The following FOXO3 variants were observed in gnomAD, a reference collection of about 807,000 sequenced individuals.
FOXO3 encodes forkhead box O3.
In FOXO3, 4 loss-of-function variants were observed where a neutral mutation model predicts 41.9. The ratio of observed to expected loss-of-function variants is 0.10; its 90% CI spans 0.05 to 0.22. FOXO3 has a LOEUF of 0.22. Among genes scored for constraint, FOXO3 ranks in the 10% least tolerant of loss-of-function variants. The pLI, the probability that FOXO3 is intolerant of heterozygous loss-of-function variation, is 1.00. For synonymous variants in FOXO3, 318 were observed against 389.3 expected, an observed-to-expected ratio of 0.82 and a Z score of 2.16; for missense variants, 534 against 906.8, an observed-to-expected ratio of 0.59 and a Z score of 5.28.
chr6:108,590,417 A>C (rs1466002058), intron 1 of FOXO3, among the ~76,000 whole-genome samples: 2 of 152,180 alleles, frequency 1.3e-5, no homozygotes, highest in African/African-American at 4.8e-5. Flanking sequence ...TTCACATCCA[A>C]TCTCATGTAA....
At chr6:108,640,292 T>C (rs1440359517) in intron 1 of FOXO3, among the ~76,000 whole-genome samples, 1 of 152,202 alleles carries the variant, frequency 6.6e-6, no homozygotes, top group Admixed American at 6.5e-5. Flanking sequence ...GGGGAATTTT[T>C]CAGTTGTCGT....
At chr6:108,593,754 T>A (rs192458434) in intron 1 of FOXO3, among the ~76,000 whole-genome samples, 12 of 138,188 alleles carry the variant, frequency 8.7e-5, no homozygotes, top group Admixed American at 8.4e-4. Context: ...TCTCGCCCTG[T>A]CACCCAGTCT....
intron 1 of FOXO3, among the ~76,000 whole-genome samples, chr6:108,638,928 C>T (rs558933497): frequency 1.3e-5 from 2 of 152,128 alleles, no homozygotes; most frequent in Non-Finnish European, 2.9e-5. Flanking sequence ...AAAGTGGCAC[C>T]GTGTCCTGCC....
chr6:108,677,609 A>G (rs766049736), intron 2 of FOXO3, among the ~76,000 whole-genome samples: 4 of 152,230 alleles, frequency 2.6e-5, no homozygotes, highest in Admixed American at 6.5e-5. Flanking sequence ...CGGCGCTTAC[A>G]GTAAGTCAGG....
At chr6:108,630,435 T>C (rs1418720549) in intron 1 of FOXO3, among the ~76,000 whole-genome samples, 1 of 152,110 alleles carries the variant, frequency 6.6e-6, no homozygotes, top group East Asian at 1.9e-4. Context: ...AGGTATGTCT[T>C]TGTGGCTGTG....
intron 2 of FOXO3, among the ~76,000 whole-genome samples, chr6:108,672,449 G>A (rs989958845): frequency 6.6e-5 from 10 of 152,140 alleles, no homozygotes; most frequent in South Asian, 2.1e-4. Flanking sequence ...AAAATACATC[G>A]CCCTGTAGAG....
intron 1 of FOXO3, among the ~76,000 whole-genome samples, chr6:108,595,627 A>G (rs1286879328): frequency 1.3e-5 from 2 of 152,202 alleles, no homozygotes; most frequent in Non-Finnish European, 2.9e-5. Context: ...TCCTAAAGAT[A>G]GATTGTTTAC....
In FOXO3 at chr6:108,561,324, A is replaced by T; in HGVS notation, c.116A>T (p.Glu39Val). 6.4e-7 allele frequency: 1 copy of T among 1,563,338 alleles called. No individual in the cohort carries two copies. Among genetic ancestry groups the T allele is most frequent in the Non-Finnish European group, 8.6e-7 (1 of 1,157,062 alleles). Residue 39 changes from glutamate to valine, a missense_variant, in exon 1 of 3, where the codon GAG becomes GTG. Physicochemically the swap from Glu to Val is moderately radical, Grantham distance 121. Coordinates refer to ENST00000406360, the MANE Select transcript of FOXO3 (RefSeq NM_001455.4). ...RSCTWPLQRP[E>V]LQASPAKPSG... Reference sequence around the variant, plus strand: ...TGTACGTGGCCCCTGCAAAGGCCGGAGCTCCAAGCGAGCCCTGCCAAGCCC... The same window carrying T: ...TGTACGTGGCCCCTGCAAAGGCCGGTGCTCCAAGCGAGCCCTGCCAAGCCC...
At chr6:108,627,313 C>G (rs761525119) in intron 1 of FOXO3, among the ~76,000 whole-genome samples, 5 of 152,102 alleles carry the variant, frequency 3.3e-5, no homozygotes, top group Admixed American at 1.3e-4. Context: ...ACACTTGGAT[C>G]TCTTGCGTAT....
intron 1 of FOXO3, among the ~76,000 whole-genome samples, chr6:108,617,795 TAAAA>T (rs990766978): frequency 6.7e-6 from 1 of 150,066 alleles, no homozygotes; most frequent in Non-Finnish European, 1.5e-5. Flanking sequence ...CGTTGGCTGT[TAAAA>T]AAAAAATGCA....
At chr6:108,587,700 G>A (rs1210206513) in intron 1 of FOXO3, among the ~76,000 whole-genome samples, 1 of 152,130 alleles carries the variant, frequency 6.6e-6, no homozygotes, top group Non-Finnish European at 1.5e-5. Flanking sequence ...TCCTGCTTTT[G>A]CATTGTCATC....
intron 1 of FOXO3, 92 bp downstream of exon 1, chr6:108,561,921 C>A: frequency 1.4e-6 from 2 of 1,460,904 alleles, no homozygotes; most frequent in Non-Finnish European, 1.8e-6. Context: ...CGCTTGCGGG[C>A]TCCAGGGCAA....
At chr6:108,638,117 C>T (rs956371016) in intron 1 of FOXO3, among the ~76,000 whole-genome samples, 2 of 152,160 alleles carry the variant, frequency 1.3e-5, no homozygotes, top group Non-Finnish European at 2.9e-5. Flanking sequence ...TGCATGCTTG[C>T]GTGTTTCCCC....
At chr6:108,655,336 AAT>A (rs760199571) in intron 1 of FOXO3, among the ~76,000 whole-genome samples, 44 of 152,318 alleles carry the variant, frequency 2.9e-4, no homozygotes, top group Middle Eastern at 3.4e-3. Context: ...TCACAGCTTT[AAT>A]CTCTCATCCC....
chr6:108,560,881 T>G (rs1258245805), upstream of FOXO3: 9 of 969,506 alleles, frequency 9.3e-6, no homozygotes, highest in Non-Finnish European at 8.1e-6. Flanking sequence ...AGGCCGTCGA[T>G]TCGCTCGCGG....
At chr6:108,671,724 G>GTTT (rs765020291) in intron 2 of FOXO3, among the ~76,000 whole-genome samples, 66 of 152,144 alleles carry the variant, frequency 4.3e-4, no homozygotes, top group Non-Finnish European at 8.2e-4. Context: ...AAGAGTGACT[G>GTTT]TTTTCCTCAG....
chr6:108,642,807 C>G (rs1582808015), intron 1 of FOXO3, among the ~76,000 whole-genome samples: 1 of 152,264 alleles, frequency 6.6e-6, no homozygotes, highest in East Asian at 1.9e-4. Context: ...TCTTAACTTG[C>G]ATTGTTTTGG....
At chr6:108,668,952 A>T (rs1779134452) in intron 2 of FOXO3, among the ~76,000 whole-genome samples, 1 of 152,098 alleles carries the variant, frequency 6.6e-6, no homozygotes, top group Non-Finnish European at 1.5e-5. Flanking sequence ...TCTACTAAAA[A>T]TACAAAAAAA....
chr6:108,632,756 A>C (rs1001738728), intron 1 of FOXO3, among the ~76,000 whole-genome samples: 1 of 152,182 alleles, frequency 6.6e-6, no homozygotes, highest in East Asian at 1.9e-4. Flanking sequence ...AGCCAAGTAC[A>C]GTGTAGAAAA....
Sources: gnomAD v4.1 joint callset for allele counts (sites outside exome capture counted in the v4.1 genomes callset) on GRCh38, gnomAD v4.1.1 for gene constraint, MANE v1.5 for transcripts, NCBI Gene and HGNC (gene_info 2026-07-23, HGNC 2026-07-21) for gene names.